DPYS: variants seen among roughly 807,000 people sequenced by gnomAD.
DPYS encodes dihydropyrimidine amidohydrolase.
A neutral mutation model predicts 50.3 loss-of-function variants in DPYS; 39 were observed. The ratio of observed to expected loss-of-function variants is 0.78; its 90% CI spans 0.60 to 1.01. The LOEUF (loss-of-function observed/expected upper bound fraction) is 1.01, where lower values mean the gene tolerates loss of function less well. Among genes scored for constraint, DPYS ranks in the 50% least tolerant of loss-of-function variants. The pLI is 0.00. For missense variants in DPYS, 659 were observed against 680.9 expected (o/e 0.97, Z 0.36); for synonymous variants, 245 against 250.7 (o/e 0.98, Z 0.22).
chr8:104,431,804 AC>A (rs1812966226), intron 4 of DPYS, among the ~76,000 whole-genome samples: 1 of 152,214 alleles, frequency 6.6e-6, no homozygotes, highest in African/African-American at 2.4e-5. Context: ...TGTGCTCAAC[AC>A]ACACTGGCAC....
intron 1 of DPYS, among the ~76,000 whole-genome samples, chr8:104,459,581 G>A (rs570807503): frequency 6.6e-6 from 1 of 152,322 alleles, no homozygotes; most frequent in African/African-American, 2.4e-5. Flanking sequence ...TGAGACTCTA[G>A]AATATACCAC....
At chr8:104,432,287 A>T (rs1812980758) in intron 4 of DPYS, among the ~76,000 whole-genome samples, 1 of 152,214 alleles carries the variant, frequency 6.6e-6, no homozygotes, top group Admixed American at 6.5e-5. Context: ...CCTTTGAGAG[A>T]TACTCAAGAT....
At chr8:104,446,436 A>C (rs1166817685) in intron 3 of DPYS, among the ~76,000 whole-genome samples, 1 of 152,214 alleles carries the variant, frequency 6.6e-6, no homozygotes, top group African/African-American at 2.4e-5. Context: ...TTATTACGGA[A>C]TAATCCTCTT....
intron 7 of DPYS, among the ~76,000 whole-genome samples, chr8:104,400,799 A>C (rs1270916598): frequency 1.3e-5 from 2 of 152,252 alleles, no homozygotes. Flanking sequence ...GCAGATATGG[A>C]AGCAGAAGCC....
At chr8:104,416,501 C>T (rs1812373631) in intron 7 of DPYS, among the ~76,000 whole-genome samples, 1 of 152,174 alleles carries the variant, frequency 6.6e-6, no homozygotes. Flanking sequence ...GCACCCATGA[C>T]AAGACCCACA....
rs1265198063 is a variant in DPYS, at chr8:104,391,784, A to AT, written c.1443+999dup. ...CTGGCTAATTATTTTTTATTTTTAA[A>AT]TTTTTTGTAGAGATGGGGTCTCACT... On this transcript the variant is annotated intron_variant, in intron 8 of 9. Coordinates refer to ENST00000351513, the MANE Select transcript of DPYS (RefSeq NM_001385.3). 3.9e-5 allele frequency among the ~76,000 whole-genome samples: 6 copies of AT among 151,964 alleles called. No individual in the cohort carries two copies. The East Asian group carries it at 1.2e-3, about 29-fold the overall frequency.
In DPYS at chr8:104,466,927, G is replaced by A. The variant is rs751828220; in HGVS notation, c.-7C>T. 1 of 1,470,746 alleles carries A rather than the reference G, an allele frequency of 6.8e-7. No homozygotes were observed. Among genetic ancestry groups the A allele is most frequent in the Non-Finnish European group, 8.9e-7 (1 of 1,118,130 alleles). The allele number at this position is 1,470,746 out of a possible 1,614,324, so 91.1% of individuals were successfully genotyped here. ...GCCGCGAGGGCGCCGCCATAGCGAG[G>A]GGCGCGCGGGGTCCTACTCGGCCCG... On this transcript the variant is annotated 5_prime_UTR_variant, in exon 1 of 10. Transcript: ENST00000351513.
chr8:104,427,250 G>A (rs2140635507), intron 6 of DPYS, among the ~76,000 whole-genome samples: 1 of 150,030 alleles, frequency 6.7e-6, no homozygotes, highest in Non-Finnish European at 1.5e-5. Context: ...TTCATGGAAA[G>A]GAGGTATGAG....
At chr8:104,379,945 T>G (rs1042536844) in intron 9 of DPYS, 102 bp from the exon 10 acceptor site, 1 of 414,082 alleles carries the variant, frequency 2.4e-6, no homozygotes, top group African/African-American at 2.1e-5. Context: ...AAGTAAACAC[T>G]AATCCTGCTC....
chr8:104,462,530 G>GA, intron 1 of DPYS, among the ~76,000 whole-genome samples: 1 of 151,972 alleles, frequency 6.6e-6, no homozygotes, highest in Middle Eastern at 3.4e-3. Context: ...TTACAATAAA[G>GA]AAAAAACAAA....
intron 7 of DPYS, among the ~76,000 whole-genome samples, chr8:104,413,064 T>G: frequency 6.6e-6 from 1 of 152,166 alleles, no homozygotes; most frequent in East Asian, 1.9e-4. Context: ...GATAGATGAA[T>G]GCCCCAGAGA....
chr8:104,404,140 A>T lies in DPYS; in HGVS notation c.1236-11149T>A, dbSNP rs564291421. On this transcript the variant is annotated intron_variant, in intron 7 of 9. Coordinates refer to ENST00000351513, the MANE Select transcript of DPYS (RefSeq NM_001385.3). The stretch of plus-strand genomic sequence containing the variant: ...AACCTATGATATCAATACTATTATT[A>T]TTATTATTATCCCTATTTTATGGAT... Among the ~76,000 whole-genome samples the T allele has an allele frequency of 2.6e-5, 4 of 152,254 alleles. No homozygotes were observed. The East Asian group carries it at 5.8e-4, about 22-fold the overall frequency.
rs201798999 is a variant in DPYS at position 104,429,591 on chromosome 8, G to A, written c.904C>T (p.Arg302Ter). The A allele has an allele frequency of 6.8e-5, 110 of 1,613,970 alleles. No individual in the cohort carries two copies. Among genetic ancestry groups the A allele is most frequent in the South Asian group, 2.2e-4 (20 of 91,082 alleles). ...AAHHVMGPPLRPDPSTPDFLM... is the reference protein window; with the variant it reads ...AAHHVMGPPL ...AAGTCGGGTGTTGAGGGGTCTGGTC[G>A]CAAAGGTGGACCCATGACATGGTGG... The change falls in exon 5 of 10, where the codon CGA becomes TGA. Residue 302 changes from arginine (R) to a stop codon, truncating the protein, a stop_gained. Coordinates refer to ENST00000351513, the MANE Select transcript of DPYS (RefSeq NM_001385.3). LOFTEE classifies it high-confidence loss of function.
intron 7 of DPYS, among the ~76,000 whole-genome samples, chr8:104,402,172 A>G (rs1489782541): frequency 2.0e-5 from 3 of 152,184 alleles, no homozygotes; most frequent in Non-Finnish European, 4.4e-5. Flanking sequence ...CCTTGTATGT[A>G]GGTACCATGT....
At chr8:104,450,571 CAG>C (rs1813703442) in intron 2 of DPYS, among the ~76,000 whole-genome samples, 1 of 152,226 alleles carries the variant, frequency 6.6e-6, no homozygotes, top group Admixed American at 6.5e-5. Context: ...TAACATCTCT[CAG>C]AACTGTCTTT....
intron 7 of DPYS, among the ~76,000 whole-genome samples, chr8:104,422,947 T>C (rs1209963172): frequency 6.6e-6 from 1 of 152,248 alleles, no homozygotes; most frequent in African/African-American, 2.4e-5. Flanking sequence ...CAATTTTTTT[T>C]CCATTGCCTT....
chr8:104,415,534 T>C (rs1397773038), intron 7 of DPYS, among the ~76,000 whole-genome samples: 3 of 152,156 alleles, frequency 2.0e-5, no homozygotes, highest in Non-Finnish European at 2.9e-5. Context: ...TAAAATTGTA[T>C]GCATATGTAA....
chr8:104,407,553 A>C (rs557253127), intron 7 of DPYS, among the ~76,000 whole-genome samples: 63 of 152,332 alleles, frequency 4.1e-4, no homozygotes, highest in African/African-American at 1.5e-3. Context: ...TAGGCAACCA[A>C]AAAATGAATC....
chr8:104,466,794 C>G lies in DPYS; in HGVS notation c.127G>C (p.Gly43Arg). The G allele has an allele frequency of 6.5e-7, 1 of 1,533,986 alleles. No homozygotes were observed. The highest frequency in any genetic ancestry group is 8.7e-7 in the Non-Finnish European group (1 of 1,145,730). The stretch of plus-strand genomic sequence containing the variant: ...ACCCGCAGCCCCGCAGGAGCGCCCC[C>G]GGGAGGCAGCAGGTCGTGCCCGAGT... ...RALGHDLLPPGGAPAGLRVLD... is the reference protein window; with the variant it reads ...RALGHDLLPPRGAPAGLRVLD... Residue 43 changes from glycine (G) to arginine (R), a missense_variant, in exon 1 of 10, where the codon GGG (glycine) becomes CGG (arginine). By Grantham distance (125) the Gly-to-Arg change is moderately radical. Coordinates refer to ENST00000351513, the MANE Select transcript of DPYS (RefSeq NM_001385.3).
Sources: gnomAD v4.1 joint callset for allele counts (sites outside exome capture counted in the v4.1 genomes callset) on GRCh38, gnomAD v4.1.1 for gene constraint, MANE v1.5 for transcripts, NCBI Gene and HGNC (gene_info 2026-07-23, HGNC 2026-07-21) for gene names.